Variants in MKLN1 observed in about 807,000 individuals in gnomAD.
MKLN1 encodes muskelin 1.
A neutral mutation model predicts 99.0 loss-of-function variants in MKLN1; 18 were observed. That is an observed-to-expected ratio of 0.18 (90% CI 0.13 to 0.27). The LOEUF is 0.27. Among genes scored for constraint, MKLN1 ranks in the 10% least tolerant of loss-of-function variants. The pLI is 1.00. For synonymous variants in MKLN1, 288 were observed against 293.2 expected, an observed-to-expected ratio of 0.98 and a Z score of 0.18; for missense variants, 621 against 875.9, an observed-to-expected ratio of 0.71 and a Z score of 3.67.
At chr7:131,246,448 C>A (rs1412023198) in intron 3 of MKLN1, among the ~76,000 whole-genome samples, 1 of 152,160 alleles carries the variant, frequency 6.6e-6, no homozygotes, top group African/African-American at 2.4e-5. Flanking sequence ...AGCTCTAAAC[C>A]CACATTTTAG....
chr7:131,352,582 C>A (rs1043043385), intron 1 of MKLN1, among the ~76,000 whole-genome samples: 2 of 151,710 alleles, frequency 1.3e-5, no homozygotes, highest in Admixed American at 6.6e-5. Flanking sequence ...TGGGCCCTAT[C>A]TATGTGTGTG....
chr7:131,129,165 C>A (rs901129612), intron 1 of MKLN1, among the ~76,000 whole-genome samples: 2 of 151,926 alleles, frequency 1.3e-5, no homozygotes, highest in African/African-American at 4.8e-5. Context: ...AAAGTAAAAC[C>A]CAGATGTCTT....
At chr7:131,410,076 C>G (rs1371743626) in intron 6 of MKLN1, among the ~76,000 whole-genome samples, 3 of 152,020 alleles carry the variant, frequency 2.0e-5, no homozygotes, top group Non-Finnish European at 2.9e-5. Flanking sequence ...CCATACTGTT[C>G]TTAAACTAAT....
intron 1 of MKLN1, among the ~76,000 whole-genome samples, chr7:131,343,167 T>C (rs552861382): frequency 2.0e-5 from 3 of 152,336 alleles, no homozygotes; most frequent in South Asian, 4.1e-4. Flanking sequence ...TTAATTTCTT[T>C]TGCCATTTTT....
At chr7:131,462,009 T>C (rs1416517308) in intron 12 of MKLN1, among the ~76,000 whole-genome samples, 2 of 152,140 alleles carry the variant, frequency 1.3e-5, no homozygotes, top group Non-Finnish European at 2.9e-5. Context: ...CAAAATGGCA[T>C]ATTATACCCC....
intron 3 of MKLN1, among the ~76,000 whole-genome samples, chr7:131,229,310 C>G (rs1051992352): frequency 6.6e-6 from 1 of 150,468 alleles, no homozygotes; most frequent in Non-Finnish European, 1.5e-5. Context: ...TATTCCTCCT[C>G]TAGCCCCCCA....
At chr7:131,271,093 C>T (rs1390284324) in intron 3 of MKLN1, among the ~76,000 whole-genome samples, 3 of 152,046 alleles carry the variant, frequency 2.0e-5, no homozygotes, top group Non-Finnish European at 2.9e-5. Flanking sequence ...GATCACAGTC[C>T]AGTTGAGGAG....
chr7:131,364,437 T>C (rs1290017364), intron 1 of MKLN1, among the ~76,000 whole-genome samples: 1 of 152,060 alleles, frequency 6.6e-6, no homozygotes, highest in Non-Finnish European at 1.5e-5. Flanking sequence ...ATGTGTTCCG[T>C]ATCAGAATTT....
intron 3 of MKLN1, among the ~76,000 whole-genome samples, chr7:131,249,525 A>T (rs1797544985): frequency 6.6e-6 from 1 of 152,180 alleles, no homozygotes; most frequent in Non-Finnish European, 1.5e-5. Flanking sequence ...CTAGGCACTG[A>T]GCTGGAGGCT....
At chr7:131,329,242 A>C (rs1316916241) in intron 1 of MKLN1, among the ~76,000 whole-genome samples, 1 of 152,246 alleles carries the variant, frequency 6.6e-6, no homozygotes, top group Non-Finnish European at 1.5e-5. Context: ...AGAATCTGTC[A>C]TGACTGCCAG....
chr7:131,333,386 T>C (rs927572018), intron 1 of MKLN1, among the ~76,000 whole-genome samples: 1 of 152,250 alleles, frequency 6.6e-6, no homozygotes, highest in Non-Finnish European at 1.5e-5. Context: ...AAATTTATTA[T>C]GGATACATTA....
chr7:131,474,564 C>G (rs139891370), intron 16 of MKLN1, among the ~76,000 whole-genome samples: 2,671 of 152,246 alleles, frequency 0.018, 66 homozygotes, highest in African/African-American at 0.06. Context: ...TAGTTTTCTC[C>G]TTATCCTATA....
intron 3 of MKLN1, among the ~76,000 whole-genome samples, chr7:131,289,319 A>C (rs1426959615): frequency 1.3e-5 from 2 of 152,228 alleles, no homozygotes; most frequent in African/African-American, 4.8e-5. Context: ...GAAGTGGGGA[A>C]GGATGGTTAT....
intron 2 of MKLN1, among the ~76,000 whole-genome samples, chr7:131,189,205 G>A (rs1796498203): frequency 6.6e-6 from 1 of 152,180 alleles, no homozygotes; most frequent in Admixed American, 6.5e-5. Context: ...ATCATTGGGT[G>A]GTGGTAAAAT....
rs375701186 is a variant in MKLN1 at position 131,381,785 on chromosome 7, CCTT to C, written c.169-5332_169-5330del. ...TTTTCTTTTTTTTGTCCTCTCATCTCCTTCTCTCTAGTAACCAATGCTAACAAT... is the reference window on the plus strand; with the variant it reads ...TTTTCTTTTTTTTGTCCTCTCATCTCCTCTCTAGTAACCAATGCTAACAAT... On this transcript the variant is annotated intron_variant, in intron 2 of 17. Transcript: ENST00000352689. Among the ~76,000 whole-genome samples, 539 of 152,196 alleles carry C rather than the reference CCTT, an allele frequency of 3.5e-3. 3 individuals are homozygous for C. Among genetic ancestry groups the C allele is most frequent in the African/African-American group, 0.012 (505 of 41,494 alleles).
intron 2 of MKLN1, among the ~76,000 whole-genome samples, chr7:131,171,396 GAATT>G (rs1302231072): frequency 1.3e-5 from 2 of 152,168 alleles, no homozygotes; most frequent in African/African-American, 2.4e-5. Context: ...GGAAGGGCTA[GAATT>G]AATAGGGACT....
intron 8 of MKLN1, among the ~76,000 whole-genome samples, chr7:131,418,300 C>T (rs558810054): frequency 2.2e-5 from 3 of 136,710 alleles, no homozygotes; most frequent in East Asian, 4.7e-4. Context: ...ACCTGGGAGG[C>T]GGAGGTTGCA....
At chr7:131,302,357 G>A (rs1273762959) in intron 3 of MKLN1, among the ~76,000 whole-genome samples, 2 of 152,144 alleles carry the variant, frequency 1.3e-5, no homozygotes, top group African/African-American at 2.4e-5. Flanking sequence ...AACTACTTCC[G>A]TCTCCTTCAC....
At chr7:131,365,497 T>C (rs1362956665) in intron 1 of MKLN1, among the ~76,000 whole-genome samples, 1 of 152,198 alleles carries the variant, frequency 6.6e-6, no homozygotes, top group Non-Finnish European at 1.5e-5. Context: ...TTGTTTTTTA[T>C]TTGTCTTGAA....
Sources: gnomAD v4.1 joint callset for allele counts (sites outside exome capture counted in the v4.1 genomes callset) on GRCh38, gnomAD v4.1.1 for gene constraint, MANE v1.5 for transcripts, NCBI Gene and HGNC (gene_info 2026-07-23, HGNC 2026-07-21) for gene names.